The following RCL1 variants were observed in gnomAD, a reference collection of about 807,000 sequenced individuals.
RCL1 encodes RNA terminal phosphate cyclase like 1.
A neutral mutation model predicts 42.4 loss-of-function variants in RCL1; 24 were observed. The ratio of observed to expected loss-of-function variants is 0.57; its 90% CI spans 0.41 to 0.80. RCL1 has a LOEUF of 0.80. Ranked by LOEUF, RCL1 falls within the 30% of genes least tolerant of loss-of-function variation. The pLI is 0.00. For missense variants in RCL1, 578 were observed against 467.9 expected (o/e 1.24, Z -2.17); for synonymous variants, 228 against 177.3 (o/e 1.29, Z -2.27).
chr9:4,829,428 T>A (rs1816877260), intron 3 of RCL1, among the ~76,000 whole-genome samples: 1 of 152,196 alleles, frequency 6.6e-6, no homozygotes, highest in African/African-American at 2.4e-5. Flanking sequence ...TCATTCCCAT[T>A]TGACAAAGGG....
At chr9:4,814,226 G>A (rs1816289208) in intron 1 of RCL1, among the ~76,000 whole-genome samples, 1 of 151,910 alleles carries the variant, frequency 6.6e-6, no homozygotes. Context: ...TTATTGTGTT[G>A]AGGTGTGTTC....
At chr9:4,810,657 T>A (rs1422843660) in intron 1 of RCL1, among the ~76,000 whole-genome samples, 1 of 152,152 alleles carries the variant, frequency 6.6e-6, no homozygotes, top group East Asian at 1.9e-4. Flanking sequence ...TGCACATATA[T>A]GTGTATGTCT....
chr9:4,796,385 A>C (rs1289560944), intron 1 of RCL1, among the ~76,000 whole-genome samples: 1 of 152,118 alleles, frequency 6.6e-6, no homozygotes, highest in Non-Finnish European at 1.5e-5. Flanking sequence ...CTCTAGCTCC[A>C]TGTTGTTGCA....
intron 3 of RCL1, among the ~76,000 whole-genome samples, chr9:4,830,286 T>C (rs1468967256): frequency 1.3e-5 from 2 of 152,152 alleles, no homozygotes; most frequent in Admixed American, 1.3e-4. Flanking sequence ...TTTTAAGAGC[T>C]GAGGTTGGGA....
At chr9:4,807,935 T>C (rs562411198) in intron 1 of RCL1, among the ~76,000 whole-genome samples, 5 of 152,374 alleles carry the variant, frequency 3.3e-5, no homozygotes, top group South Asian at 2.1e-4. Context: ...ATTTCAGTTC[T>C]GTTAAATTTA....
chr9:4,842,341 A>G (rs971967231), intron 6 of RCL1, among the ~76,000 whole-genome samples: 2 of 152,196 alleles, frequency 1.3e-5, no homozygotes, highest in African/African-American at 4.8e-5. Flanking sequence ...AAAAAGAGGA[A>G]AAGAGAGTAA....
chr9:4,823,690 C>G, intron 2 of RCL1, 71 bp downstream of exon 2: 1 of 1,124,902 alleles, frequency 8.9e-7, no homozygotes, highest in Non-Finnish European at 1.3e-6. Context: ...TCTTTTTTTT[C>G]TTTCCTTTTT....
intron 1 of RCL1, among the ~76,000 whole-genome samples, chr9:4,793,552 C>T (rs1387998357): frequency 2.6e-5 from 4 of 152,226 alleles, no homozygotes; most frequent in Admixed American, 6.5e-5. Flanking sequence ...CTCTTGCCCT[C>T]GCCATAAACC....
In RCL1 at chr9:4,793,200, G is replaced by C. The variant is rs759361386; in HGVS notation, c.109G>C (p.Ala37Pro). 2 of 1,606,812 alleles carry C rather than the reference G, an allele frequency of 1.2e-6. No homozygotes were observed. The highest frequency in any genetic ancestry group is 1.7e-6 in the Non-Finnish European group (2 of 1,176,740). Residue 37 changes from alanine to proline, a missense_variant, in exon 1 of 9, where the codon GCC becomes CCC. Physicochemically the swap from Ala to Pro is conservative, Grantham distance 27. Transcript: ENST00000381750. ...GRPVKIRKIR[A>P]RDDNPGLRDF... The stretch of plus-strand genomic sequence containing the variant: ...CCCCGTCAAAATCCGAAAGATTCGG[G>C]CCAGAGACGACAACCCGGGCCTCCG...
At chr9:4,839,912 G>A (rs1817256902) in intron 5 of RCL1, 1 of 985,612 alleles carries the variant, frequency 1.0e-6, no homozygotes, top group South Asian at 4.7e-5. Flanking sequence ...TTTCAGGAGA[G>A]AGATTGGGAC....
intron 8 of RCL1, among the ~76,000 whole-genome samples, chr9:4,854,597 C>T (rs1300927429): frequency 6.6e-6 from 1 of 152,138 alleles, no homozygotes; most frequent in Admixed American, 6.5e-5. Flanking sequence ...ACCCCAATCT[C>T]TCACATGCTT....
chr9:4,819,743 G>A (rs902246651), intron 1 of RCL1, among the ~76,000 whole-genome samples: 2 of 152,184 alleles, frequency 1.3e-5, no homozygotes, highest in Non-Finnish European at 2.9e-5. Context: ...GGAGGCGGAG[G>A]TTGCAGTGAG....
chr9:4,819,935 C>T (rs1393556967), intron 1 of RCL1, among the ~76,000 whole-genome samples: 13 of 152,282 alleles, frequency 8.5e-5, no homozygotes, highest in Middle Eastern at 3.4e-3. Context: ...AAAAGTAGTG[C>T]ATAAGAGATC....
At position 4,827,449 on chromosome 9, in the gene RCL1, C is replaced by G. The variant is rs16922133; in HGVS notation, c.384+416C>G. 2,495 of 375,752 alleles carry G rather than the reference C, an allele frequency of 6.6e-3. 57 individuals are homozygous for G. The highest frequency in any genetic ancestry group is 0.045 in the African/African-American group (2,195 of 48,288). 23.3% of individuals were successfully genotyped at this position (375,752 alleles called of 1,614,324 possible). On this transcript the variant is annotated intron_variant, in intron 3 of 8. Transcript: ENST00000381750. ...TGGCATTGTTACAGCGTAATCTTGA[C>G]TTACCCAGGCTTCAATCATAAACTC... is the stretch of plus-strand genomic sequence containing the variant.
intron 1 of RCL1, among the ~76,000 whole-genome samples, chr9:4,794,682 A>G (rs947429007): frequency 6.6e-6 from 1 of 151,958 alleles, no homozygotes; most frequent in Non-Finnish European, 1.5e-5. Flanking sequence ...TAGCCTGGAA[A>G]CCTGGGTTCT....
chr9:4,828,361 A>T (rs6476913), intron 3 of RCL1, among the ~76,000 whole-genome samples: 3,732 of 152,210 alleles, frequency 0.025, 128 homozygotes, highest in African/African-American at 0.083. Context: ...GCTGGTATTC[A>T]TCAAGATACC....
At chr9:4,850,496 T>TTTC (rs1554642550) in intron 8 of RCL1, 10 of 210,866 alleles carry the variant, frequency 4.7e-5, no homozygotes, top group South Asian at 1.9e-4. Flanking sequence ...TTTTTTTCTT[T>TTTC]TTTTTTTTTT....
intron 1 of RCL1, 140 bp from the exon 2 acceptor site, chr9:4,823,408 T>C: frequency 3.4e-6 from 2 of 582,336 alleles, no homozygotes; most frequent in Non-Finnish European, 5.9e-6. Flanking sequence ...TACCCAGTCC[T>C]TTAGGAAAGC....
intron 1 of RCL1, among the ~76,000 whole-genome samples, chr9:4,818,086 C>T (rs1380771701): frequency 1.3e-5 from 2 of 151,422 alleles, no homozygotes; most frequent in African/African-American, 2.4e-5. Flanking sequence ...TTGCCCAGCT[C>T]ATTTTTGTAT....
Sources: allele counts gnomAD v4.1 joint callset (sites outside exome capture counted in the v4.1 genomes callset), GRCh38; gene constraint gnomAD v4.1.1; transcripts MANE v1.5; gene names NCBI Gene and HGNC (gene_info 2026-07-23, HGNC 2026-07-21).